Variants in ZNF469 observed in about 807,000 individuals in gnomAD.
ZNF469 encodes zinc finger protein 469.
Under a neutral mutation model 1.0 loss-of-function variants are expected in ZNF469, and 1 was observed. The ratio of observed to expected loss-of-function variants is 1.00; its 90% CI spans 0.35 to 4.73. The LOEUF is 4.73. Ranked by LOEUF, ZNF469 falls within the 30% of genes most tolerant of loss-of-function variation. The probability of loss-of-function intolerance (pLI) is 0.16; values close to 1 mark genes in which losing one functional copy is unlikely to be tolerated. For missense variants in ZNF469, 6,100 were observed against 5,356.3 expected (o/e 1.14, Z -4.33); for synonymous variants, 2,703 against 2,363.4 (o/e 1.14, Z -4.17).
rs1379575424 is a variant in ZNF469 at position 88,430,388 on chromosome 16, G to A, written c.2918G>A (p.Gly973Asp). ...GAGGGGTCGGGGTCGGGCGGCGGCG[G>A]CAGAGCCTCCGGCCTGAGGCCCCGG... ...AAEGSGSGGG[G>D]RASGLRPRRN... Residue 973 changes from glycine to aspartate, a missense_variant, in exon 3 of 3, where the codon GGC becomes GAC. Transcript: ENST00000565624. 1.3e-6 allele frequency: 2 copies of A among 1,516,936 alleles called. No homozygotes were observed. The highest frequency in any genetic ancestry group is 1.8e-6 in the Non-Finnish European group (2 of 1,136,348). 94.0% of individuals were successfully genotyped at this position (1,516,936 alleles called of 1,614,324 possible). A position where few individuals can be genotyped will look rare whatever the true frequency, so the allele number is the denominator to read the frequency against.
the ZNF469 span, among the ~76,000 whole-genome samples, chr16:88,222,047 C>T: frequency 6.6e-6 from 1 of 152,128 alleles, no homozygotes; most frequent in African/African-American, 2.4e-5. Flanking sequence ...CAACCCCCCT[C>T]ATCACACTCT....
chr16:88,285,491 G>A, the ZNF469 span, among the ~76,000 whole-genome samples: 8 of 152,258 alleles, frequency 5.3e-5, no homozygotes, highest in East Asian at 3.8e-4. Flanking sequence ...CACAGCCAGC[G>A]TGGGCAGGGC....
the ZNF469 span, among the ~76,000 whole-genome samples, chr16:88,158,102 C>T: frequency 0.022 from 3,301 of 152,108 alleles, 131 homozygotes; most frequent in African/African-American, 0.076. Flanking sequence ...TTATTGCTTG[C>T]CTGAGCCCTA....
chr16:88,200,025 C>A, the ZNF469 span, among the ~76,000 whole-genome samples: 2 of 152,170 alleles, frequency 1.3e-5, no homozygotes. Context: ...CCAAATGCCT[C>A]CCGCTCCCAC....
the ZNF469 span, among the ~76,000 whole-genome samples, chr16:88,147,777 C>T: frequency 6.6e-6 from 1 of 152,168 alleles, no homozygotes; most frequent in East Asian, 1.9e-4. Flanking sequence ...ACAGGGGCTT[C>T]CTGCCCTCCA....
rs1251435441 is a variant in ZNF469 at position 88,433,732 on chromosome 16, T to A, written c.6262T>A (p.Ser2088Thr). 2 of 1,548,738 alleles carry A rather than the reference T, an allele frequency of 1.3e-6. No homozygotes were observed. The highest frequency in any genetic ancestry group is 1.7e-6 in the Non-Finnish European group (2 of 1,146,772). Residue 2088 changes from serine to threonine, a missense_variant, in exon 3 of 3, where the codon TCC becomes ACC. Coordinates refer to ENST00000565624, the MANE Select transcript of ZNF469 (RefSeq NM_001367624.2). Reference sequence around the variant, plus strand: ...TGAGGGCCGGACTCCAGAGAGGGCGTCCAGCCCCGGCCTGAACAAGCCACT... The same window carrying A: ...TGAGGGCCGGACTCCAGAGAGGGCGACCAGCCCCGGCCTGAACAAGCCACT... ...GSEGRTPERA[S>T]SPGLNKPLLA...
the ZNF469 span, among the ~76,000 whole-genome samples, chr16:88,318,091 G>A: frequency 6.6e-6 from 1 of 152,226 alleles, no homozygotes; most frequent in African/African-American, 2.4e-5. Context: ...AGAGGGACCT[G>A]CGATCCCTGC....
chr16:88,430,674 G>A lies in ZNF469; in HGVS notation c.3204G>A (p.Arg1068=). 6.7e-7 allele frequency: 1 copy of A among 1,494,820 alleles called. No homozygotes were observed. Among genetic ancestry groups the A allele is most frequent in the Non-Finnish European group, 8.9e-7 (1 of 1,129,242 alleles). 92.6% of individuals were successfully genotyped at this position (1,494,820 alleles called of 1,614,324 possible). A position where few individuals can be genotyped will look rare whatever the true frequency, so the allele number is the denominator to read the frequency against. The change falls in exon 3 of 3, where the codon CGG becomes CGA. Residue 1068 remains arginine (R), a synonymous_variant. Transcript: ENST00000565624. ...KNRRHRRLGR[R]AGRCGSLAAG... ...GGCGCCACCGGCGGCTGGGGCGGCG[G>A]GCGGGCAGGTGCGGCTCCCTGGCGG...
the ZNF469 span, among the ~76,000 whole-genome samples, chr16:88,349,144 G>A: frequency 1.3e-5 from 2 of 151,314 alleles, no homozygotes; most frequent in African/African-American, 2.5e-5. Flanking sequence ...GCAGCCACTC[G>A]TCCCCCCTCA....
chr16:88,159,110 C>T, the ZNF469 span, among the ~76,000 whole-genome samples: 4 of 125,494 alleles, frequency 3.2e-5, no homozygotes, highest in African/African-American at 1.0e-4. Flanking sequence ...CGGATGCTCA[C>T]AGGGCTGTGC....
At position 88,436,671 on chromosome 16, in the gene ZNF469, C is replaced by T. The variant is rs1000935821; in HGVS notation, c.9201C>T (p.Pro3067=). The change falls in exon 3 of 3, where the codon CCC becomes CCT. Residue 3067 remains proline (P), a synonymous_variant. Transcript: ENST00000565624. ...GCTTTCTGGGACCCTTTGAAGACCC[C>T]GTGGGTCTCCCCGGCCCCAGCTTCT... ...DLCFLGPFED[P]VGLPGPSFLD... The T allele has an allele frequency of 6.5e-6, 10 of 1,550,224 alleles. No homozygotes were observed. Among genetic ancestry groups the T allele is most frequent in the East Asian group, 4.9e-5 (2 of 40,920 alleles).
At chr16:88,319,003 C>T in the ZNF469 span, among the ~76,000 whole-genome samples, 251 of 152,342 alleles carry the variant, frequency 1.6e-3, no homozygotes, top group Middle Eastern at 0.01. Flanking sequence ...CCAGACGGGG[C>T]ACCCCAGGGC....
At chr16:88,406,090 G>A (rs1038805652) in intron 1 of ZNF469, among the ~76,000 whole-genome samples, 1 of 152,218 alleles carries the variant, frequency 6.6e-6, no homozygotes, top group Non-Finnish European at 1.5e-5. Context: ...GGAGCAGCCC[G>A]GAGCCGACCA....
At chr16:88,146,587 C>G in the ZNF469 span, among the ~76,000 whole-genome samples, 3 of 152,096 alleles carry the variant, frequency 2.0e-5, no homozygotes, top group African/African-American at 7.3e-5. Context: ...AGCAGAAGCC[C>G]CAGGGATGGG....
intron 1 of ZNF469, among the ~76,000 whole-genome samples, chr16:88,385,952 G>A (rs760706943): frequency 1.1e-4 from 16 of 152,312 alleles, no homozygotes; most frequent in Non-Finnish European, 1.5e-4. Flanking sequence ...AGGAGACTCC[G>A]TGGGACCTGT....
the ZNF469 span, among the ~76,000 whole-genome samples, chr16:88,256,894 C>T: frequency 1.2e-4 from 6 of 51,518 alleles, no homozygotes; most frequent in Admixed American, 7.1e-4. Flanking sequence ...TCTTTTCTTT[C>T]CTTCTTTCTT....
At chr16:88,219,638 A>G in the ZNF469 span, among the ~76,000 whole-genome samples, 2 of 151,696 alleles carry the variant, frequency 1.3e-5, no homozygotes, top group African/African-American at 4.8e-5. Flanking sequence ...TTAAAGACTT[A>G]AACATTAGAC....
At chr16:88,334,772 T>A in the ZNF469 span, among the ~76,000 whole-genome samples, 1 of 152,176 alleles carries the variant, frequency 6.6e-6, no homozygotes, top group Non-Finnish European at 1.5e-5. Flanking sequence ...GATGGGAAGA[T>A]GCCGACGGGA....
the ZNF469 span, among the ~76,000 whole-genome samples, chr16:88,303,880 A>G: frequency 6.6e-6 from 1 of 152,092 alleles, no homozygotes; most frequent in African/African-American, 2.4e-5. Flanking sequence ...CACAGGCCAC[A>G]CTCAGTGCCA....
Sources: allele counts gnomAD v4.1 joint callset (sites outside exome capture counted in the v4.1 genomes callset), GRCh38; gene constraint gnomAD v4.1.1; transcripts MANE v1.5; gene names NCBI Gene and HGNC (gene_info 2026-07-23, HGNC 2026-07-21).